The following SLC24A3 variants were observed in gnomAD, a reference collection of about 807,000 sequenced individuals.
The protein encoded by SLC24A3 is solute carrier family 24 member 3, also known as sodium/potassium/calcium exchanger 3.
In SLC24A3, 28 loss-of-function variants were observed where a neutral mutation model predicts 75.8. The observed-to-expected ratio is 0.37, with a 90% CI of 0.27 to 0.51. The LOEUF (loss-of-function observed/expected upper bound fraction) is 0.51. Among genes scored for constraint, SLC24A3 ranks in the 20% least tolerant of loss-of-function variants. The pLI is 0.94. For synonymous variants in SLC24A3, 372 were observed against 334.1 expected, an observed-to-expected ratio of 1.11 and a Z score of -1.24; for missense variants, 663 against 847.8, an observed-to-expected ratio of 0.78 and a Z score of 2.71.
At chr20:19,438,574 C>T (rs1421799139) in intron 2 of SLC24A3, among the ~76,000 whole-genome samples, 1 of 151,988 alleles carries the variant, frequency 6.6e-6, no homozygotes, top group African/African-American at 2.4e-5. Flanking sequence ...ACCTAGCACC[C>T]CTACATGGTA....
At chr20:19,708,700 C>A (rs979101152) in intron 15 of SLC24A3, among the ~76,000 whole-genome samples, 5 of 152,244 alleles carry the variant, frequency 3.3e-5, no homozygotes, top group African/African-American at 7.2e-5. Flanking sequence ...ACTATCCCCA[C>A]AGGACCTAGA....
intron 3 of SLC24A3, among the ~76,000 whole-genome samples, chr20:19,545,158 T>C (rs979951668): frequency 2.0e-5 from 3 of 152,270 alleles, no homozygotes; most frequent in Admixed American, 1.3e-4. Flanking sequence ...ACATGGGAAA[T>C]GCATGAAGCG....
At chr20:19,604,937 C>G (rs2031576037) in intron 6 of SLC24A3, among the ~76,000 whole-genome samples, 1 of 152,192 alleles carries the variant, frequency 6.6e-6, no homozygotes, top group African/African-American at 2.4e-5. Flanking sequence ...CACAGGCTGT[C>G]AGCATTCCCC....
intron 2 of SLC24A3, among the ~76,000 whole-genome samples, chr20:19,357,509 A>G (rs1043813546): frequency 2.6e-5 from 4 of 152,180 alleles, no homozygotes; most frequent in African/African-American, 9.7e-5. Flanking sequence ...AACTTGCTGC[A>G]TTATGGATAT....
intron 2 of SLC24A3, among the ~76,000 whole-genome samples, chr20:19,329,645 G>A (rs1437358692): frequency 1.3e-5 from 2 of 152,180 alleles, no homozygotes; most frequent in Non-Finnish European, 2.9e-5. Flanking sequence ...AGTTTGCAGG[G>A]CAGTGAGATA....
chr20:19,468,934 A>G (rs1332489182), intron 2 of SLC24A3, among the ~76,000 whole-genome samples: 1 of 152,152 alleles, frequency 6.6e-6, no homozygotes, highest in Non-Finnish European at 1.5e-5. Flanking sequence ...TGGGTAATGA[A>G]AAGAGGGATT....
intron 2 of SLC24A3, among the ~76,000 whole-genome samples, chr20:19,473,698 C>A (rs1249836766): frequency 6.6e-6 from 1 of 152,210 alleles, no homozygotes; most frequent in Admixed American, 6.5e-5. Flanking sequence ...GTAGTTCATA[C>A]CAGACTCTCT....
intron 2 of SLC24A3, among the ~76,000 whole-genome samples, chr20:19,312,871 G>T (rs570657673): frequency 1.3e-5 from 2 of 152,126 alleles, no homozygotes; most frequent in South Asian, 2.1e-4. Flanking sequence ...CCTGGGTATT[G>T]GTAGCAATGG....
intron 2 of SLC24A3, among the ~76,000 whole-genome samples, chr20:19,399,877 G>A (rs1008316138): frequency 6.6e-6 from 1 of 152,106 alleles, no homozygotes; most frequent in African/African-American, 2.4e-5. Flanking sequence ...TCTTATTTTG[G>A]ATAGTTTCTA....
At chr20:19,437,936 A>G (rs1359084682) in intron 2 of SLC24A3, among the ~76,000 whole-genome samples, 33 of 152,128 alleles carry the variant, frequency 2.2e-4, no homozygotes, top group Admixed American at 2.2e-3. Context: ...GACATTAATG[A>G]GGTCGTTATA....
intron 2 of SLC24A3, among the ~76,000 whole-genome samples, chr20:19,314,594 C>T (rs1474553896): frequency 2.6e-5 from 4 of 152,162 alleles, no homozygotes; most frequent in East Asian, 1.9e-4. Context: ...GGATTACAGG[C>T]GTGAGCTACT....
At chr20:19,230,558 T>C (rs910159929) in intron 1 of SLC24A3, among the ~76,000 whole-genome samples, 5 of 151,646 alleles carry the variant, frequency 3.3e-5, no homozygotes, top group Admixed American at 2.6e-4. Flanking sequence ...TTTGCTTCTT[T>C]GCCTAGTTGA....
chr20:19,524,562 G>T (rs773960677), intron 3 of SLC24A3, among the ~76,000 whole-genome samples: 3 of 152,160 alleles, frequency 2.0e-5, no homozygotes, highest in Non-Finnish European at 2.9e-5. Flanking sequence ...ACATTGCTTA[G>T]ATACCAAACG....
intron 15 of SLC24A3, among the ~76,000 whole-genome samples, chr20:19,712,334 C>T (rs375100272): frequency 1.3e-5 from 2 of 151,944 alleles, no homozygotes; most frequent in Admixed American, 6.6e-5. Context: ...GAAAAACTCA[C>T]GAGCCAGGCA....
rs145919845 is a variant in SLC24A3 at position 19,569,965 on chromosome 20, T to C, written c.349-10035T>C. Among the ~76,000 whole-genome samples the C allele has an allele frequency of 1.9e-3, 293 of 152,350 alleles. 2 individuals carry two copies. In the East Asian group the frequency reaches 0.02, roughly 11 times the overall value. ...CCCTTTTGAGTTGGCTTCTGCTTTC[T>C]GCCCAGACCCTGACAGGTACATTAG... On this transcript the variant is annotated intron_variant, in intron 3 of 16. Coordinates refer to ENST00000328041, the MANE Select transcript of SLC24A3 (RefSeq NM_020689.4).
intron 3 of SLC24A3, among the ~76,000 whole-genome samples, chr20:19,562,704 G>A (rs2030894146): frequency 6.6e-6 from 1 of 152,180 alleles, no homozygotes; most frequent in African/African-American, 2.4e-5. Flanking sequence ...TGTTGGCTTT[G>A]TTCATTTACA....
Position 19,698,654 on chromosome 20 carries a change from A to T in SLC24A3, c.1693A>T (p.Thr565Ser), listed in dbSNP as rs2032838864. 4 of 1,589,458 alleles carry T rather than the reference A, an allele frequency of 2.5e-6. No individual in the cohort carries two copies. In the African/African-American group the frequency reaches 4.0e-5, roughly 16 times the overall value. ...IGLGLPWALQTLAVDYGSYIR... is the reference protein window; with the variant it reads ...IGLGLPWALQSLAVDYGSYIR... ...CCTCGGTCTCCCCTGGGCTCTGCAGACCCTGGCTGTGGATTACGGATCCTA... is the reference window on the plus strand; with the variant it reads ...CCTCGGTCTCCCCTGGGCTCTGCAGTCCCTGGCTGTGGATTACGGATCCTA... The change falls in exon 15 of 17, where the codon ACC becomes TCC. Residue 565 changes from threonine to serine, a missense_variant. Physicochemically the swap from Thr to Ser is moderately conservative, Grantham distance 58. Coordinates refer to ENST00000328041, the MANE Select transcript of SLC24A3 (RefSeq NM_020689.4).
At chr20:19,547,888 C>T (rs2030626912) in intron 3 of SLC24A3, among the ~76,000 whole-genome samples, 1 of 152,254 alleles carries the variant, frequency 6.6e-6, no homozygotes, top group Non-Finnish European at 1.5e-5. Flanking sequence ...GAAGTCAGGA[C>T]ATCTTTGCAG....
chr20:19,516,335 C>T (rs779826984), intron 3 of SLC24A3, among the ~76,000 whole-genome samples: 2 of 152,222 alleles, frequency 1.3e-5, no homozygotes, highest in Admixed American at 1.3e-4. Flanking sequence ...GCCAAATTCT[C>T]GACTAGGTAC....
Sources: gnomAD v4.1 joint callset for allele counts (sites outside exome capture counted in the v4.1 genomes callset) on GRCh38, gnomAD v4.1.1 for gene constraint, MANE v1.5 for transcripts, NCBI Gene and HGNC (gene_info 2026-07-23, HGNC 2026-07-21) for gene names.